Variants in RORA observed in about 807,000 individuals in gnomAD.
RORA encodes the protein RAR related orphan receptor A.
A neutral mutation model predicts 69.5 loss-of-function variants in RORA; 7 were observed. The observed-to-expected ratio is 0.10, with a 90% CI of 0.06 to 0.19. The LOEUF is 0.19. Among genes scored for constraint, RORA ranks in the 10% least tolerant of loss-of-function variants. The pLI is 1.00. For synonymous variants in RORA, 261 were observed against 240.8 expected, an observed-to-expected ratio of 1.08 and a Z score of -0.78; for missense variants, 457 against 663.0, an observed-to-expected ratio of 0.69 and a Z score of 3.41.
intron 2 of RORA, among the ~76,000 whole-genome samples, chr15:60,659,645 G>T (rs1246732731): frequency 6.6e-6 from 1 of 152,064 alleles, no homozygotes; most frequent in Non-Finnish European, 1.5e-5. Flanking sequence ...CTTCATCCTT[G>T]TCATGTCCTC....
chr15:60,825,419 G>T (rs926621569), intron 1 of RORA, among the ~76,000 whole-genome samples: 1 of 152,218 alleles, frequency 6.6e-6, no homozygotes, highest in African/African-American at 2.4e-5. Context: ...ATTCATCAGA[G>T]ACCAGAATTT....
At chr15:60,900,232 C>A (rs1891349025) in intron 1 of RORA, among the ~76,000 whole-genome samples, 1 of 144,564 alleles carries the variant, frequency 6.9e-6, no homozygotes, top group South Asian at 2.1e-4. Context: ...GATTTAGTCA[C>A]ATCATTAGGA....
rs758292747 is a variant in RORA at position 60,534,428 on chromosome 15, T to C, written c.197-2577A>G. Among the ~76,000 whole-genome samples, 1 of 152,070 alleles carries C rather than the reference T, an allele frequency of 6.6e-6. No homozygotes were observed. Among genetic ancestry groups the C allele is most frequent in the Non-Finnish European group, 1.5e-5 (1 of 68,012 alleles). On this transcript the variant is annotated intron_variant, in intron 2 of 10. Coordinates refer to ENST00000335670, the MANE Select transcript of RORA (RefSeq NM_134261.3). This position sits in a 1 kb window ranked among gnomAD's most constrained non-coding sequence, Gnocchi z 5.0. ...TATTTGAGCGGAGACAGTCACGAGA[T>C]CTGTGGAGGCCAAGACGCTTAGGAT...
rs138728871 is a variant in RORA at position 60,924,733 on chromosome 15, T to C, written c.167-246047A>G. ...GAAATACTGTGAACTATAACAACCATAGAGATATGAGGAGTGATTATTGAT... is the reference window on the plus strand; with the variant it reads ...GAAATACTGTGAACTATAACAACCACAGAGATATGAGGAGTGATTATTGAT... On this transcript the variant is annotated intron_variant, in intron 1 of 10. Transcript: ENST00000335670. Among the ~76,000 whole-genome samples, 9 of 152,224 alleles carry C rather than the reference T, an allele frequency of 5.9e-5. No homozygotes were observed. In the East Asian group the frequency reaches 1.4e-3, roughly 23 times the overall value.
At chr15:60,888,035 G>A (rs915807480) in intron 1 of RORA, among the ~76,000 whole-genome samples, 1 of 152,182 alleles carries the variant, frequency 6.6e-6, no homozygotes, top group Admixed American at 6.5e-5. Context: ...CTTTAGGAAA[G>A]AGCCCAGGAA....
At chr15:60,901,297 G>T (rs1214972067) in intron 1 of RORA, among the ~76,000 whole-genome samples, 3 of 151,992 alleles carry the variant, frequency 2.0e-5, no homozygotes, top group Non-Finnish European at 4.4e-5. Flanking sequence ...TCAACCTCCT[G>T]AGTAGCTGGG....
At position 60,489,359 on chromosome 15, in the gene RORA, C is replaced by T. The variant is rs1264832714; in HGVS notation, c.*8096G>A. 3 of 152,320 alleles carry T rather than the reference C, an allele frequency of 2.0e-5. No individual in the cohort carries two copies. The highest frequency in any genetic ancestry group is 2.1e-4 in the South Asian group (1 of 4,824). The allele number at this position is 152,320 out of a possible 1,614,324, so 9.4% of individuals were successfully genotyped here. Reference sequence around the variant, plus strand: ...TAATCATGGCTTGAGAATTTATCACCTTCAGTTACAAAAAGTGCAGTAAAC... The same window carrying T: ...TAATCATGGCTTGAGAATTTATCACTTTCAGTTACAAAAAGTGCAGTAAAC... On this transcript the variant is annotated 3_prime_UTR_variant, in exon 11 of 11. Coordinates refer to ENST00000335670, the MANE Select transcript of RORA (RefSeq NM_134261.3).
At chr15:61,184,238 T>C (rs756661567) in intron 1 of RORA, among the ~76,000 whole-genome samples, 1 of 152,162 alleles carries the variant, frequency 6.6e-6, no homozygotes, top group Non-Finnish European at 1.5e-5. Context: ...CACACTCCCC[T>C]TACACACTGA....
intron 1 of RORA, among the ~76,000 whole-genome samples, chr15:61,221,699 C>A (rs954376969): frequency 2.8e-4 from 42 of 152,094 alleles, no homozygotes; most frequent in African/African-American, 9.9e-4. Context: ...TCAGCCAAAC[C>A]CTCCCCCGAA....
chr15:61,197,253 G>C (rs193286815), intron 1 of RORA, among the ~76,000 whole-genome samples: 1 of 152,344 alleles, frequency 6.6e-6, no homozygotes, highest in Non-Finnish European at 1.5e-5. Flanking sequence ...GCCTAATGTA[G>C]TTTGGAAAGA....
chr15:60,636,202 G>T (rs967081530), intron 2 of RORA, among the ~76,000 whole-genome samples: 1 of 152,122 alleles, frequency 6.6e-6, no homozygotes, highest in Admixed American at 6.5e-5. Flanking sequence ...ACAAGAAACC[G>T]ATGTTCTTCA....
intron 1 of RORA, among the ~76,000 whole-genome samples, chr15:61,121,031 G>A (rs1223079265): frequency 6.6e-6 from 1 of 151,614 alleles, no homozygotes; most frequent in Admixed American, 6.6e-5. Context: ...TGTATTTTTG[G>A]TAGAGACGGG....
intron 2 of RORA, among the ~76,000 whole-genome samples, chr15:60,542,349 C>T (rs982800718): frequency 7.4e-5 from 11 of 148,424 alleles, no homozygotes; most frequent in African/African-American, 2.6e-4. Context: ...ACACACATAC[C>T]ACACATGCAC....
intron 1 of RORA, among the ~76,000 whole-genome samples, chr15:60,780,865 G>C (rs1470922140): frequency 6.6e-6 from 1 of 152,186 alleles, no homozygotes; most frequent in Non-Finnish European, 1.5e-5. Flanking sequence ...GACAACCAAA[G>C]AGAAAAAGCA....
In RORA at chr15:60,497,602, A is replaced by G; in HGVS notation, c.1425T>C (p.Ser475=). The stretch of plus-strand genomic sequence containing the variant: ...GTCGTCCACATAAGGCTCTTAAGGT[A>G]GACACCTTGCATATTAACTGTAAGT... ...GILTKLICKV[S]TLRALCGRHT... The change falls in exon 11 of 11, where the codon TCT becomes TCC. Residue 475 remains serine (S), a synonymous_variant. Coordinates refer to ENST00000335670, the MANE Select transcript of RORA (RefSeq NM_134261.3). 3.7e-6 allele frequency: 6 copies of G among 1,610,638 alleles called. No individual in the cohort carries two copies. Among genetic ancestry groups the G allele is most frequent in the East Asian group, 2.2e-5 (1 of 44,868 alleles).
intron 1 of RORA, among the ~76,000 whole-genome samples, chr15:61,142,905 CTAAATCATACTAAA>C (rs2079313725): frequency 6.6e-6 from 1 of 151,992 alleles, no homozygotes; most frequent in African/African-American, 2.4e-5. Flanking sequence ...GCTCAAAAGC[CTAAATCATACTAAA>C]TGATACCCTA....
chr15:61,178,858 T>C (rs188232067), intron 1 of RORA, among the ~76,000 whole-genome samples: 1 of 152,336 alleles, frequency 6.6e-6, no homozygotes, highest in African/African-American at 2.4e-5. Context: ...GCTAACCATA[T>C]AGACTATACC....
intron 1 of RORA, among the ~76,000 whole-genome samples, chr15:60,990,602 T>G (rs1056089849): frequency 6.6e-6 from 1 of 152,184 alleles, no homozygotes; most frequent in African/African-American, 2.4e-5. Flanking sequence ...CTGGAAGAAC[T>G]TGGGTTCTCG....
chr15:60,948,463 C>A (rs1002348037), intron 1 of RORA, among the ~76,000 whole-genome samples: 1 of 152,136 alleles, frequency 6.6e-6, no homozygotes, highest in Non-Finnish European at 1.5e-5. Context: ...AGTCACTCAA[C>A]AAATAGTAAC....
Sources: gnomAD v4.1 joint callset for allele counts (sites outside exome capture counted in the v4.1 genomes callset) on GRCh38, gnomAD v4.1.1 for gene constraint, Gnocchi (gnomAD v3.1) non-coding constraint, MANE v1.5 for transcripts, NCBI Gene and HGNC (gene_info 2026-07-23, HGNC 2026-07-21) for gene names.